Variants in TBC1D32 observed in about 807,000 individuals in gnomAD.
TBC1D32 encodes TBC1 domain family member 32.
In TBC1D32, 151 loss-of-function variants were observed where a neutral mutation model predicts 170.3. The observed-to-expected ratio is 0.89, with a 90% CI of 0.78 to 1.01. The LOEUF is 1.01. Among genes scored for constraint, TBC1D32 ranks in the 50% least tolerant of loss-of-function variants. The pLI is 0.00. For missense variants in TBC1D32, 1,464 were observed against 1,457.1 expected, an observed-to-expected ratio of 1.00 and a Z score of -0.08; for synonymous variants, 498 against 488.0, an observed-to-expected ratio of 1.02 and a Z score of -0.27.
At position 121,281,537 on chromosome 6, in the gene TBC1D32, T is replaced by C; in HGVS notation, c.1608+7A>G. 6.2e-7 allele frequency: 1 copy of C among 1,602,770 alleles called. No homozygotes were observed. Among genetic ancestry groups the C allele is most frequent in the South Asian group, 1.1e-5 (1 of 89,328 alleles). On this transcript the variant is annotated splice_region_variant and intron_variant, in intron 14 of 31. Transcript: ENST00000398212. ...GACTCTTTTTCTCCTTAGTAAATAA[T>C]ACGAACCTCATTTCCTTTCATTAAA...
chr6:121,095,785 T>G lies in TBC1D32; in HGVS notation c.3466-4744A>C, dbSNP rs562760093. The stretch of plus-strand genomic sequence containing the variant: ...CTTGCATCCCAGGGATGAAGCCGAC[T>G]TGATTGTGGTGGATAAGCTTTTCGA... On this transcript the variant is annotated intron_variant, in intron 30 of 31. Transcript: ENST00000398212. 3 of 152,314 alleles carry G rather than the reference T, an allele frequency of 2.0e-5. 1 individual carries two copies. The East Asian group carries it at 5.8e-4, about 29-fold the overall frequency. The allele number at this position is 152,314 out of a possible 1,614,324, so 9.4% of individuals were successfully genotyped here.
intron 15 of TBC1D32, among the ~76,000 whole-genome samples, chr6:121,273,760 G>C (rs568712970): frequency 6.6e-6 from 1 of 152,112 alleles, no homozygotes; most frequent in South Asian, 2.1e-4. Flanking sequence ...AGTATAAACA[G>C]ACTGTAACCT....
At chr6:121,181,368 GTT>G (rs1156265377) in intron 22 of TBC1D32, among the ~76,000 whole-genome samples, 1 of 151,914 alleles carries the variant, frequency 6.6e-6, no homozygotes, top group East Asian at 1.9e-4. Context: ...AGATCTAGTT[GTT>G]TAAAAGTGTG....
intron 20 of TBC1D32, among the ~76,000 whole-genome samples, chr6:121,225,968 A>G (rs2128333681): frequency 6.6e-6 from 1 of 152,274 alleles, no homozygotes; most frequent in South Asian, 2.1e-4. Flanking sequence ...AATGTTTTGA[A>G]TAGAAGAATG....
chr6:121,256,130 A>C lies in TBC1D32; in HGVS notation c.1889T>G (p.Leu630Ter), dbSNP rs747692273. 6.2e-7 allele frequency: 1 copy of C among 1,613,856 alleles called. No homozygotes were observed. Among genetic ancestry groups the C allele is most frequent in the South Asian group, 1.1e-5 (1 of 91,024 alleles). Residue 630 changes from leucine (L) to a stop codon, truncating the protein, a stop_gained, in exon 16 of 32, where the codon TTA (leucine) becomes TGA (stop). Coordinates refer to ENST00000398212, the MANE Select transcript of TBC1D32 (RefSeq NM_152730.6). LOFTEE classifies it high-confidence loss of function. ...IYSTCEGLQVLITYNLHESIA... is the reference protein window; with the variant it reads ...IYSTCEGLQV The stretch of plus-strand genomic sequence containing the variant: ...AGATTCATGCAAATTATAAGTGATT[A>C]ACACCTGCAAACCTTCACATGTACT...
chr6:121,085,653 T>G (rs1776187473), intron 31 of TBC1D32, among the ~76,000 whole-genome samples: 1 of 152,052 alleles, frequency 6.6e-6, no homozygotes, highest in South Asian at 2.1e-4. Flanking sequence ...AAATAAATTC[T>G]GATTTAACAG....
intron 13 of TBC1D32, among the ~76,000 whole-genome samples, chr6:121,283,224 A>G (rs1803295331): frequency 6.6e-6 from 1 of 151,884 alleles, no homozygotes; most frequent in African/African-American, 2.4e-5. Flanking sequence ...CTGTATGTCT[A>G]TGCACACTGG....
chr6:121,281,768 G>T, intron 13 of TBC1D32, 82 bp from the exon 14 acceptor site: 1 of 1,119,892 alleles, frequency 8.9e-7, no homozygotes, highest in Non-Finnish European at 1.2e-6. Flanking sequence ...GTTCCAAAAA[G>T]TTCAACATCA....
intron 15 of TBC1D32, among the ~76,000 whole-genome samples, chr6:121,272,442 G>C (rs1801590316): frequency 6.6e-6 from 1 of 151,984 alleles, no homozygotes; most frequent in Non-Finnish European, 1.5e-5. Context: ...TCAAAAAGAG[G>C]GCAAAGGATA....
At position 121,212,656 on chromosome 6, in the gene TBC1D32, G is replaced by A. The variant is rs991084380; in HGVS notation, c.2482-7493C>T. On this transcript the variant is annotated intron_variant, in intron 21 of 31. Coordinates refer to ENST00000398212, the MANE Select transcript of TBC1D32 (RefSeq NM_152730.6). ...TTTAGTAGAGACAGGGTTTCACCAC[G>A]TTGGGCAGGCTGGTCTCAAACTCCT... Among the ~76,000 whole-genome samples the A allele has an allele frequency of 5.3e-5, 8 of 151,924 alleles. 1 individual carries two copies. The South Asian group carries it at 1.0e-3, about 20-fold the overall frequency.
intron 22 of TBC1D32, among the ~76,000 whole-genome samples, chr6:121,162,433 CACAG>C (rs1456947774): frequency 6.6e-6 from 1 of 152,062 alleles, no homozygotes; most frequent in African/African-American, 2.4e-5. Flanking sequence ...ATGACAAACC[CACAG>C]ACAGTATCAT....
chr6:121,098,701 T>A (rs1205647218), intron 30 of TBC1D32, among the ~76,000 whole-genome samples: 1 of 151,992 alleles, frequency 6.6e-6, no homozygotes, highest in Non-Finnish European at 1.5e-5. Flanking sequence ...ATAATGCACA[T>A]GTGTTTCTAC....
In TBC1D32 at chr6:121,113,161, T is replaced by G; in HGVS notation, c.3070A>C (p.Ser1024Arg). ...KMTVRYGKFL[S>R]LLKDGAENDL... ...TTTTCTGCACCATCTTTTAAGAGAC[T>G]GAGGAATTTGCCATACCTATATTAA... The change falls in exon 28 of 32, where the codon AGT becomes CGT. Residue 1024 changes from serine to arginine, a missense_variant. This residue lies in a region of TBC1D32 where 1,363 missense variants were observed against 1,338.1 expected (regional missense o/e 1.02). Transcript: ENST00000398212. 1.2e-6 allele frequency: 2 copies of G among 1,608,028 alleles called. No individual in the cohort carries two copies. The highest frequency in any genetic ancestry group is 2.2e-5 in the South Asian group (2 of 89,610).
intron 20 of TBC1D32, among the ~76,000 whole-genome samples, chr6:121,229,249 T>C (rs957561742): frequency 7.9e-5 from 12 of 152,150 alleles, no homozygotes; most frequent in Non-Finnish European, 1.8e-4. Context: ...CTTGTGGTTT[T>C]ATTTCTCAGG....
rs1437047577 is a variant in TBC1D32 at position 121,205,158 on chromosome 6, A to T, written c.2487T>A (p.Ile829=). Residue 829 remains isoleucine (I), a synonymous_variant, in exon 22 of 32, where the codon ATT becomes ATA. Transcript: ENST00000398212. ...AATTCAAAATTATAAGTCTATCAAT[A>T]ATATCCTGAAAAAGACAGACAAAAT... The part of the protein sequence containing the change: ...LREVPTCVID[I]IDRLIILNSE... 3 of 1,419,462 alleles carry T rather than the reference A, an allele frequency of 2.1e-6. No homozygotes were observed. The highest frequency in any genetic ancestry group is 2.9e-6 in the Non-Finnish European group (3 of 1,042,306). 87.9% of individuals were successfully genotyped at this position (1,419,462 alleles called of 1,614,324 possible). A position where few individuals can be genotyped will look rare whatever the true frequency, so the allele number is the denominator to read the frequency against.
chr6:121,087,041 A>G (rs779702827), intron 31 of TBC1D32, among the ~76,000 whole-genome samples: 43 of 152,200 alleles, frequency 2.8e-4, no homozygotes, highest in African/African-American at 9.4e-4. Flanking sequence ...TTTCTTCAGC[A>G]TATCTTCAGA....
At chr6:121,100,190 T>C (rs1309516544) in intron 30 of TBC1D32, among the ~76,000 whole-genome samples, 1 of 151,998 alleles carries the variant, frequency 6.6e-6, no homozygotes, top group African/African-American at 2.4e-5. Context: ...CTTCCAACTA[T>C]GTGGTCAATT....
At chr6:121,214,792 C>G (rs1286435044) in intron 21 of TBC1D32, among the ~76,000 whole-genome samples, 1 of 152,210 alleles carries the variant, frequency 6.6e-6, no homozygotes, top group Non-Finnish European at 1.5e-5. Context: ...TGTGTTACTG[C>G]TCTTTCAGTC....
chr6:121,154,707 A>G (rs183373800), intron 24 of TBC1D32, among the ~76,000 whole-genome samples: 57 of 152,328 alleles, frequency 3.7e-4, no homozygotes, highest in African/African-American at 1.3e-3. Flanking sequence ...CAACCTAATT[A>G]AAGAGTTTCT....
Sources: gnomAD v4.1 joint callset for allele counts (sites outside exome capture counted in the v4.1 genomes callset) on GRCh38, gnomAD v4.1.1 for gene constraint, gnomAD v4.1.1 regional missense constraint, MANE v1.5 for transcripts, NCBI Gene and HGNC (gene_info 2026-07-23, HGNC 2026-07-21) for gene names.